PARD3: variants seen among roughly 807,000 people sequenced by gnomAD.
PARD3 encodes par-3 family cell polarity regulator.
Under a neutral mutation model 155.4 loss-of-function variants are expected in PARD3, and 75 were observed. The ratio of observed to expected loss-of-function variants is 0.48; its 90% confidence interval spans 0.40 to 0.58. The LOEUF (loss-of-function observed/expected upper bound fraction) is 0.58, where lower values mean the gene tolerates loss of function less well. Ranked by LOEUF, PARD3 falls within the 20% of genes least tolerant of loss-of-function variation. The pLI is 0.00. For missense variants in PARD3, 1,642 were observed against 1,721.7 expected (o/e 0.95, Z 0.82); for synonymous variants, 576 against 610.5 (o/e 0.94, Z 0.83).
intron 2 of PARD3, among the ~76,000 whole-genome samples, chr10:34,667,357 T>A (rs1395106327): frequency 6.6e-6 from 1 of 152,170 alleles, no homozygotes; most frequent in Non-Finnish European, 1.5e-5. Flanking sequence ...AAACCCCAAG[T>A]GTCATTCCAC....
At chr10:34,796,424 T>C (rs757430905) in intron 1 of PARD3, among the ~76,000 whole-genome samples, 2 of 152,192 alleles carry the variant, frequency 1.3e-5, no homozygotes, top group South Asian at 2.1e-4. Flanking sequence ...GGGTTGGTTA[T>C]GCAGCAACAC....
rs1453111536 is a variant in PARD3 at position 34,109,700 on chromosome 10, G to A, written c.*1469C>T. ...ACACTGGTAACACCACTTAGACACC[G>A]CCGCACGTGATTAAGAAACAGAACC... On this transcript the variant is annotated 3_prime_UTR_variant, in exon 25 of 25. Transcript: ENST00000374788. 8 of 151,860 alleles carry A rather than the reference G, an allele frequency of 5.3e-5. No homozygotes were observed. The highest frequency in any genetic ancestry group is 1.3e-4 in the Admixed American group (2 of 15,250). The allele number at this position is 151,860 out of a possible 1,614,324, so 9.4% of individuals were successfully genotyped here.
chr10:34,115,109 G>T (rs1011639274), intron 24 of PARD3, among the ~76,000 whole-genome samples: 23 of 152,198 alleles, frequency 1.5e-4, no homozygotes, highest in African/African-American at 5.1e-4. Flanking sequence ...GGATGAGGGG[G>T]ACACAGACAG....
At chr10:34,547,503 G>A (rs1021619433) in intron 2 of PARD3, among the ~76,000 whole-genome samples, 18 of 152,122 alleles carry the variant, frequency 1.2e-4, no homozygotes, top group Non-Finnish European at 1.8e-4. Flanking sequence ...CCAAGAACTC[G>A]TCGAGATTTA....
intron 2 of PARD3, among the ~76,000 whole-genome samples, chr10:34,674,810 G>A (rs2093674401): frequency 6.6e-6 from 1 of 152,014 alleles, no homozygotes; most frequent in African/African-American, 2.4e-5. Flanking sequence ...TCTTTCCTGA[G>A]CAAAGCCAAG....
At chr10:34,425,082 A>G (rs1171506593) in intron 5 of PARD3, among the ~76,000 whole-genome samples, 6 of 151,024 alleles carry the variant, frequency 4.0e-5, no homozygotes, top group African/African-American at 1.5e-4. Flanking sequence ...CATGACCAAG[A>G]CCACTTTTTT....
chr10:34,259,626 G>C (rs552801137), intron 22 of PARD3, among the ~76,000 whole-genome samples: 138 of 152,270 alleles, frequency 9.1e-4, no homozygotes, highest in Non-Finnish European at 1.3e-3. Flanking sequence ...CCAGAAATTA[G>C]GGCGTGGGCA....
intron 4 of PARD3, among the ~76,000 whole-genome samples, chr10:34,463,695 C>CA (rs1019744688): frequency 3.3e-5 from 5 of 151,650 alleles, no homozygotes; most frequent in Middle Eastern, 3.4e-3. Context: ...AAAGATATCT[C>CA]AAAAAAAACA....
chr10:34,345,841 T>TA (rs1475327295), intron 15 of PARD3: 1 of 985,066 alleles, frequency 1.0e-6, no homozygotes, highest in Non-Finnish European at 1.2e-6. Context: ...ATTTGATTCT[T>TA]ACGGCCAAAG....
At chr10:34,317,065 G>C in intron 20 of PARD3, 42 bp downstream of exon 20, 2 of 1,509,184 alleles carry the variant, frequency 1.3e-6, no homozygotes, top group Non-Finnish European at 1.8e-6. Context: ...TCACACTCCT[G>C]TATGTTTAAG....
chr10:34,565,509 C>T (rs1323038494), intron 2 of PARD3, among the ~76,000 whole-genome samples: 2 of 151,880 alleles, frequency 1.3e-5, no homozygotes, highest in East Asian at 1.9e-4. Flanking sequence ...TCAAGTGATC[C>T]GCCCGCCTCG....
chr10:34,510,210 C>T (rs991173981), intron 3 of PARD3, among the ~76,000 whole-genome samples: 2 of 152,140 alleles, frequency 1.3e-5, no homozygotes, highest in Admixed American at 6.5e-5. Flanking sequence ...CATATATGCC[C>T]CTCTTCTAGG....
At chr10:34,171,950 CAAAAAAAAAAAAAAAAAAAAAA>C (rs71033303) in intron 22 of PARD3, among the ~76,000 whole-genome samples, 7 of 47,244 alleles carry the variant, frequency 1.5e-4, no homozygotes, top group African/African-American at 5.8e-4. Context: ...GACTCCATCT[CAAAAAAAAAAAAAAAAAAAAAA>C]AAAAAAAAAA....
At chr10:34,345,444 G>A in intron 15 of PARD3, 1 of 984,472 alleles carries the variant, frequency 1.0e-6, no homozygotes, top group Non-Finnish European at 1.2e-6. Flanking sequence ...TCAATACAAA[G>A]TTCCTTTTGT....
chr10:34,481,784 TGTAGAAAA>T (rs572223683), intron 3 of PARD3, among the ~76,000 whole-genome samples: 316 of 152,242 alleles, frequency 2.1e-3, no homozygotes, highest in African/African-American at 6.6e-3. Flanking sequence ...AGTCATTTAC[TGTAGAAAA>T]GTAGAAAAAA....
chr10:34,712,567 A>G (rs899854642), intron 1 of PARD3, among the ~76,000 whole-genome samples: 3 of 152,210 alleles, frequency 2.0e-5, no homozygotes, highest in Non-Finnish European at 4.4e-5. Context: ...ACACCACATA[A>G]TGTCACAGTC....
chr10:34,214,013 A>G (rs1951881638), intron 22 of PARD3, among the ~76,000 whole-genome samples: 1 of 152,030 alleles, frequency 6.6e-6, no homozygotes, highest in South Asian at 2.1e-4. Flanking sequence ...CTCCCACCTC[A>G]GCCTCCTGAG....
chr10:34,378,045 T>A lies in PARD3; in HGVS notation c.1461A>T (p.Pro487=). The A allele has an allele frequency of 6.3e-7, 1 of 1,596,970 alleles. No individual in the cohort carries two copies. Among genetic ancestry groups the A allele is most frequent in the Non-Finnish European group, 8.5e-7 (1 of 1,173,090 alleles). The part of the protein sequence containing the change: ...SRDVTIGGSA[P]IYVKNILPRG... ...GGGGGAGAATGTTTTTCACATAGAT[T>A]GGAGCTGAGCCACCTATTGTTACAT... The change falls in exon 10 of 25, where the codon CCA becomes CCT. Residue 487 remains proline (P), a synonymous_variant. Transcript: ENST00000374788.
rs1349662263 is a variant in PARD3, at chr10:34,371,507, AAAAAAAAAAAAAAAAAAAAAAAAAAC to A, written c.1707+965_1707+990del. 4.6e-4 allele frequency among the ~76,000 whole-genome samples: 55 copies of A among 118,710 alleles called. 3 individuals are homozygous for A. Among genetic ancestry groups the A allele is most frequent in the Non-Finnish European group, 6.0e-4 (34 of 56,264 alleles). The allele number at this position is 118,710 out of a possible 152,430, so 77.9% of individuals were successfully genotyped here. On this transcript the variant is annotated intron_variant, in intron 12 of 24. Transcript: ENST00000374788. ...GACTCAAAAAAAAAAAAAAAAAAAA[AAAAAAAAAAAAAAAAAAAAAAAAAAC>A]AACGAAGGAATATTTGAAAAATAAC...
Sources: gnomAD v4.1 joint callset for allele counts (sites outside exome capture counted in the v4.1 genomes callset) on GRCh38, gnomAD v4.1.1 for gene constraint, MANE v1.5 for transcripts, NCBI Gene and HGNC (gene_info 2026-07-23, HGNC 2026-07-21) for gene names.